Variants in RHOBTB1 observed in about 807,000 individuals in gnomAD.
The protein encoded by RHOBTB1 is Rho related BTB domain containing 1, also known as rho-related BTB domain-containing protein 1.
A neutral mutation model predicts 71.6 loss-of-function variants in RHOBTB1; 40 were observed. The ratio of observed to expected loss-of-function variants is 0.56; its 90% CI spans 0.43 to 0.73. The LOEUF (loss-of-function observed/expected upper bound fraction) is 0.73. Among genes scored for constraint, RHOBTB1 ranks in the 30% least tolerant of loss-of-function variants. The probability of loss-of-function intolerance (pLI) is 0.00; values close to 1 mark genes in which losing one functional copy is unlikely to be tolerated. For missense variants in RHOBTB1, 797 were observed against 894.0 expected (o/e 0.89, Z 1.38); for synonymous variants, 319 against 334.9 (o/e 0.95, Z 0.52).
At chr10:60,896,339 G>C (rs1291348561) in intron 4 of RHOBTB1, among the ~76,000 whole-genome samples, 2 of 152,228 alleles carry the variant, frequency 1.3e-5, no homozygotes, top group Admixed American at 6.5e-5. Flanking sequence ...GGAGTGGTGA[G>C]TGTGATGAGG....
intron 1 of RHOBTB1, among the ~76,000 whole-genome samples, chr10:60,990,325 T>G (rs1589471869): frequency 6.6e-6 from 1 of 152,218 alleles, no homozygotes; most frequent in East Asian, 1.9e-4. Context: ...CTAGTTTCTC[T>G]CTCTTTCTAG....
chr10:60,988,745 G>C (rs2086757904), intron 1 of RHOBTB1, among the ~76,000 whole-genome samples: 2 of 152,164 alleles, frequency 1.3e-5, no homozygotes, highest in South Asian at 4.1e-4. Context: ...TTGCTATTGT[G>C]AATAGTGATG....
chr10:60,893,033 T>C (rs763093603), intron 4 of RHOBTB1, 38 bp from the exon 5 acceptor site: 1 of 1,529,830 alleles, frequency 6.5e-7, no homozygotes, highest in Non-Finnish European at 8.9e-7. Flanking sequence ...TATTGCCTTT[T>C]AACAGGTTTT....
chr10:60,950,091 C>T (rs564965464), intron 2 of RHOBTB1, among the ~76,000 whole-genome samples: 2 of 152,258 alleles, frequency 1.3e-5, no homozygotes, highest in South Asian at 4.1e-4. Flanking sequence ...AGATGGTGTT[C>T]CACTGGTCTA....
chr10:60,904,471 C>A (rs1401038684), intron 4 of RHOBTB1, among the ~76,000 whole-genome samples: 1 of 152,204 alleles, frequency 6.6e-6, no homozygotes, highest in Non-Finnish European at 1.5e-5. Flanking sequence ...TACTTTCCGT[C>A]ACTATAGATT....
At chr10:61,000,011 C>T (rs1045826505) in intron 1 of RHOBTB1, among the ~76,000 whole-genome samples, 2 of 152,328 alleles carry the variant, frequency 1.3e-5, no homozygotes, top group African/African-American at 4.8e-5. Flanking sequence ...AAACATGCAT[C>T]TAAATCATCT....
rs543196886 is a variant in RHOBTB1 at position 60,904,252 on chromosome 10, CTCG to C, written c.296+6632_296+6634del. On this transcript the variant is annotated intron_variant, in intron 4 of 10. Transcript: ENST00000337910. The stretch of plus-strand genomic sequence containing the variant: ...ATGAGCCATTGCACCTGGCCTATTT[CTCG>C]TCTTAAAGAATTTTTATTGAGATAT... Among the ~76,000 whole-genome samples the C allele has an allele frequency of 3.6e-3, 553 of 152,220 alleles. 1 individual carries two copies. Among genetic ancestry groups the C allele is most frequent in the Non-Finnish European group, 4.9e-3 (335 of 68,010 alleles).
chr10:60,993,016 C>T (rs1020988888), intron 1 of RHOBTB1, among the ~76,000 whole-genome samples: 2 of 152,172 alleles, frequency 1.3e-5, no homozygotes, highest in African/African-American at 4.8e-5. Context: ...TAGTCAATGT[C>T]TTAGGTGCAT....
chr10:61,000,004 C>G (rs1277176435), intron 1 of RHOBTB1, among the ~76,000 whole-genome samples: 1 of 152,232 alleles, frequency 6.6e-6, no homozygotes, highest in African/African-American at 2.4e-5. Flanking sequence ...TGACAGGAAA[C>G]ATGCATCTAA....
intron 1 of RHOBTB1, among the ~76,000 whole-genome samples, chr10:60,994,812 T>G (rs2086991993): frequency 6.6e-6 from 1 of 152,046 alleles, no homozygotes; most frequent in Admixed American, 6.6e-5. Flanking sequence ...TCTCATAAGT[T>G]TATGAGCCAA....
intron 2 of RHOBTB1, among the ~76,000 whole-genome samples, chr10:60,961,741 G>A (rs1040538136): frequency 2.0e-5 from 3 of 151,830 alleles, no homozygotes; most frequent in African/African-American, 7.3e-5. Context: ...TTCTAAGGAA[G>A]ATAAGTTATT....
chr10:60,911,225 T>G, intron 3 of RHOBTB1, 126 bp downstream of exon 3: 4 of 986,662 alleles, frequency 4.1e-6, no homozygotes, highest in Non-Finnish European at 5.8e-6. Flanking sequence ...TTTTCTCTCG[T>G]GGCACTAAAA....
chr10:60,992,946 G>T (rs549312814), intron 1 of RHOBTB1, among the ~76,000 whole-genome samples: 1 of 152,076 alleles, frequency 6.6e-6, no homozygotes, highest in South Asian at 2.1e-4. Flanking sequence ...GAAAGAAATC[G>T]TAGAAGTCCC....
intron 1 of RHOBTB1, among the ~76,000 whole-genome samples, chr10:60,987,923 T>TTTTTTTTTTG (rs2086722703): frequency 3.5e-5 from 1 of 28,396 alleles, no homozygotes; most frequent in African/African-American, 1.8e-4. Flanking sequence ...ACTCAACTTT[T>TTTTTTTTTTG]TTTTTTTTTT....
intron 2 of RHOBTB1, among the ~76,000 whole-genome samples, chr10:60,982,539 G>T (rs1046178492): frequency 1.3e-5 from 2 of 151,998 alleles, no homozygotes; most frequent in African/African-American, 4.8e-5. Context: ...ATGCATCTAG[G>T]GATATTAGCA....
intron 2 of RHOBTB1, among the ~76,000 whole-genome samples, chr10:60,930,834 C>T (rs184617118): frequency 6.6e-6 from 1 of 152,214 alleles, no homozygotes; most frequent in Admixed American, 6.5e-5. Context: ...CAGGGCTAGC[C>T]ATCATTCTCT....
At chr10:60,872,397 A>G in intron 9 of RHOBTB1, 107 bp from the exon 10 acceptor site, 1 of 773,106 alleles carries the variant, frequency 1.3e-6, no homozygotes, top group Non-Finnish European at 2.2e-6. Flanking sequence ...GGCTTATATA[A>G]CTAATTCGGT....
chr10:60,903,565 A>C (rs1391834157), intron 4 of RHOBTB1, among the ~76,000 whole-genome samples: 11 of 152,346 alleles, frequency 7.2e-5, no homozygotes, highest in African/African-American at 2.4e-4. Context: ...GAAAATTTTC[A>C]CAGAACGTGG....
chr10:60,871,692 T>C (rs549768712), intron 10 of RHOBTB1, 41 bp from the exon 11 acceptor site: 2 of 1,582,306 alleles, frequency 1.3e-6, no homozygotes, highest in African/African-American at 2.7e-5. Context: ...CTGCGGTTCA[T>C]TGATGCCTTT....
Sources: allele counts gnomAD v4.1 joint callset (sites outside exome capture counted in the v4.1 genomes callset), GRCh38; gene constraint gnomAD v4.1.1; transcripts MANE v1.5; gene names NCBI Gene and HGNC (gene_info 2026-07-23, HGNC 2026-07-21).